TXNDC11: variants seen among roughly 807,000 people sequenced by gnomAD.
TXNDC11 encodes thioredoxin domain containing 11, also known as thioredoxin domain-containing protein 11.
A neutral mutation model predicts 78.0 loss-of-function variants in TXNDC11; 68 were observed. The ratio of observed to expected loss-of-function variants is 0.87; its 90% CI spans 0.72 to 1.07. The LOEUF (loss-of-function observed/expected upper bound fraction) is 1.07. Among genes scored for constraint, TXNDC11 ranks in the 50% least tolerant of loss-of-function variants. TXNDC11 has a pLI of 0.00. For missense variants in TXNDC11, 1,389 were observed against 1,221.8 expected, an observed-to-expected ratio of 1.14 and a Z score of -2.04; for synonymous variants, 571 against 495.2, an observed-to-expected ratio of 1.15 and a Z score of -2.03.
At chr16:11,692,253 C>T (rs1486534809) in intron 7 of TXNDC11, 171 bp from the exon 8 acceptor site, 2 of 602,136 alleles carry the variant, frequency 3.3e-6, no homozygotes, top group Non-Finnish European at 5.7e-6. Flanking sequence ...AACTACATGT[C>T]GCTCTGAGTA....
intron 1 of TXNDC11, among the ~76,000 whole-genome samples, chr16:11,739,633 G>A (rs2052333985): frequency 6.6e-6 from 1 of 152,164 alleles, no homozygotes; most frequent in Non-Finnish European, 1.5e-5. Context: ...ATGGAATAAA[G>A]CAAAATAAAT....
Position 11,684,263 on chromosome 16 carries a change from C to A in TXNDC11, c.2154-18G>T, listed in dbSNP as rs765347564. The A allele has an allele frequency of 3.4e-5, 54 of 1,583,462 alleles. No homozygotes were observed. The highest frequency in any genetic ancestry group is 1.3e-4 in the East Asian group (6 of 44,626). On this transcript the variant is annotated intron_variant, in intron 10 of 11. Transcript: ENST00000283033. ...CGTCAATCCTGGTAAAGGGAAAGAA[C>A]AGAAATGGCAGATGATCAGCCCAAG...
At chr16:11,697,615 T>G (rs749393758) in intron 7 of TXNDC11, among the ~76,000 whole-genome samples, 5 of 152,186 alleles carry the variant, frequency 3.3e-5, no homozygotes, top group Non-Finnish European at 7.4e-5. Flanking sequence ...CCACTCTGGC[T>G]TCTGCACGAC....
chr16:11,692,999 G>C (rs746487811), intron 7 of TXNDC11, among the ~76,000 whole-genome samples: 8 of 152,150 alleles, frequency 5.3e-5, no homozygotes, highest in Non-Finnish European at 2.9e-5. Context: ...GCTAGTTTTT[G>C]CACCTCCAGT....
intron 5 of TXNDC11, among the ~76,000 whole-genome samples, chr16:11,704,285 T>G (rs2051115072): frequency 6.6e-6 from 1 of 152,128 alleles, no homozygotes; most frequent in Non-Finnish European, 1.5e-5. Flanking sequence ...AGTCAGCTCT[T>G]CTTTAAGGGA....
chr16:11,692,235 A>G (rs2050742260), intron 7 of TXNDC11, 153 bp from the exon 8 acceptor site: 2 of 671,720 alleles, frequency 3.0e-6, no homozygotes. Context: ...AACAAGTCGT[A>G]AGTTTTAAAC....
Position 11,704,636 on chromosome 16 carries a change from T to C in TXNDC11, c.794-4072A>G, listed in dbSNP as rs900089676. ...TCTATGGTATTGCTGTCAAAAGACA[T>C]GACCTATTCCAGTCACAAGAAAACA... On this transcript the variant is annotated intron_variant, in intron 5 of 11. Coordinates refer to ENST00000283033, the MANE Select transcript of TXNDC11 (RefSeq NM_015914.7). Among the ~76,000 whole-genome samples, 6 of 152,332 alleles carry C rather than the reference T, an allele frequency of 3.9e-5. No individual in the cohort carries two copies. The South Asian group carries it at 1.0e-3, about 26-fold the overall frequency.
At chr16:11,732,528 C>A (rs1332920348) in intron 3 of TXNDC11, among the ~76,000 whole-genome samples, 1 of 152,160 alleles carries the variant, frequency 6.6e-6, no homozygotes, top group Non-Finnish European at 1.5e-5. Context: ...GTACTTGAAC[C>A]TTCCATGTAA....
chr16:11,708,096 TAAAA>T (rs2051236862), intron 5 of TXNDC11, among the ~76,000 whole-genome samples: 1 of 151,926 alleles, frequency 6.6e-6, no homozygotes, highest in South Asian at 2.1e-4. Context: ...AAAACAAACT[TAAAA>T]AAAGAAAATT....
chr16:11,735,078 T>C (rs1311350053), intron 2 of TXNDC11, among the ~76,000 whole-genome samples: 1 of 152,234 alleles, frequency 6.6e-6, no homozygotes, highest in Non-Finnish European at 1.5e-5. Flanking sequence ...CATGTGAATC[T>C]AAAGCATGCT....
chr16:11,684,902 C>T (rs1414373737), intron 10 of TXNDC11, among the ~76,000 whole-genome samples: 2 of 152,212 alleles, frequency 1.3e-5, no homozygotes, highest in African/African-American at 4.8e-5. Context: ...GCTGCATCCT[C>T]CTTGCGGAGG....
chr16:11,719,105 C>T (rs182832710), intron 5 of TXNDC11, among the ~76,000 whole-genome samples: 5 of 152,246 alleles, frequency 3.3e-5, no homozygotes, highest in Admixed American at 2.6e-4. Flanking sequence ...ATTTCTAATA[C>T]GGCATAGCAG....
At chr16:11,695,384 C>T (rs116811553) in intron 7 of TXNDC11, among the ~76,000 whole-genome samples, 43 of 152,312 alleles carry the variant, frequency 2.8e-4, no homozygotes, top group African/African-American at 1.0e-3. Context: ...TCCACTCACT[C>T]TAAGATGACC....
chr16:11,703,963 G>A (rs560945156), intron 5 of TXNDC11, among the ~76,000 whole-genome samples: 2 of 152,276 alleles, frequency 1.3e-5, no homozygotes, highest in South Asian at 2.1e-4. Flanking sequence ...GTGGTGGCAC[G>A]CACCTGTAAT....
chr16:11,705,810 G>T (rs549946124), intron 5 of TXNDC11, among the ~76,000 whole-genome samples: 3 of 152,318 alleles, frequency 2.0e-5, no homozygotes, highest in African/African-American at 7.2e-5. Flanking sequence ...TAAATTTGCA[G>T]TCTCACGTGA....
At chr16:11,726,930 G>C (rs1202885854) in intron 4 of TXNDC11, among the ~76,000 whole-genome samples, 1 of 151,950 alleles carries the variant, frequency 6.6e-6, no homozygotes, top group African/African-American at 2.4e-5. Context: ...GCACATGCCT[G>C]TAATCCCAGC....
chr16:11,721,004 A>G (rs1370012764), intron 5 of TXNDC11, among the ~76,000 whole-genome samples: 10 of 151,706 alleles, frequency 6.6e-5, no homozygotes, highest in African/African-American at 2.2e-4. Flanking sequence ...AGCCTCCCAA[A>G]GTGCTGGGAC....
intron 1 of TXNDC11, among the ~76,000 whole-genome samples, chr16:11,739,102 A>C (rs2052318397): frequency 6.6e-6 from 1 of 152,220 alleles, no homozygotes; most frequent in Non-Finnish European, 1.5e-5. Flanking sequence ...CAGTCAACGA[A>C]AGGATAAAGA....
At chr16:11,705,202 C>T (rs2051148875) in intron 5 of TXNDC11, among the ~76,000 whole-genome samples, 1 of 152,144 alleles carries the variant, frequency 6.6e-6, no homozygotes, top group Non-Finnish European at 1.5e-5. Context: ...CCAACTCTAA[C>T]ATTGACTTCT....
Sources: allele counts gnomAD v4.1 joint callset (sites outside exome capture counted in the v4.1 genomes callset), GRCh38; gene constraint gnomAD v4.1.1; transcripts MANE v1.5; gene names NCBI Gene and HGNC (gene_info 2026-07-23, HGNC 2026-07-21).